SUMF1: variants seen among roughly 807,000 people sequenced by gnomAD.
SUMF1 encodes the protein sulfatase modifying factor 1, also known as formylglycine-generating enzyme.
In SUMF1, 48 loss-of-function variants were observed where a neutral mutation model predicts 47.6. The ratio of observed to expected loss-of-function variants is 1.01; its 90% CI spans 0.80 to 1.28. The LOEUF is 1.28. Among genes scored for constraint, SUMF1 ranks in the 50% most tolerant of loss-of-function variants. The probability of loss-of-function intolerance (pLI) is 0.00; values close to 1 mark genes in which losing one functional copy is unlikely to be tolerated. For synonymous variants in SUMF1, 230 were observed against 192.1 expected (o/e 1.20, Z -1.63); for missense variants, 571 against 485.4 (o/e 1.18, Z -1.66).
chr3:4,116,181 A>T (rs1693419945), intron 8 of SUMF1, among the ~76,000 whole-genome samples: 1 of 152,100 alleles, frequency 6.6e-6, no homozygotes, highest in African/African-American at 2.4e-5. Flanking sequence ...TGACCTATAC[A>T]ATGTCACACA....
rs896547454 is a variant in SUMF1 at position 4,303,750 on chromosome 3, G to A, written c.1014+72580C>T. On this transcript the variant is annotated intron_variant and NMD_transcript_variant, in intron 8 of 12. Transcript: ENST00000448413. ...TGTTGTCCTTTTCAGTCCATTCCCT[G>A]AAGCGCAGAACCGGAGGCCTTGTGA... 1.9e-5 allele frequency: 28 copies of A among 1,481,522 alleles called. No individual in the cohort carries two copies. In the African/African-American group the frequency reaches 3.7e-4, roughly 19 times the overall value. 91.8% of individuals were successfully genotyped at this position (1,481,522 alleles called of 1,614,324 possible).
At chr3:4,298,466 G>A (rs773291061) in intron 8 of SUMF1, among the ~76,000 whole-genome samples, 5 of 152,078 alleles carry the variant, frequency 3.3e-5, no homozygotes, top group Non-Finnish European at 7.4e-5. Context: ...ATCTTATTCT[G>A]GAAGCACCAC....
chr3:4,283,729 G>T (rs983147916), intron 8 of SUMF1, among the ~76,000 whole-genome samples: 1 of 152,194 alleles, frequency 6.6e-6, no homozygotes, highest in African/African-American at 2.4e-5. Flanking sequence ...CATTCAAGCT[G>T]CTATAATAGA....
At chr3:4,348,251 G>A (rs1457938170) in intron 8 of SUMF1, among the ~76,000 whole-genome samples, 2 of 152,154 alleles carry the variant, frequency 1.3e-5, no homozygotes, top group Non-Finnish European at 2.9e-5. Flanking sequence ...CAAAGCTGGA[G>A]GCATCACACT....
At chr3:4,434,303 A>G (rs1039616892) in intron 3 of SUMF1, among the ~76,000 whole-genome samples, 7 of 152,272 alleles carry the variant, frequency 4.6e-5, no homozygotes, top group Admixed American at 6.5e-5. Context: ...ATACACACAC[A>G]TACAAAGTAT....
chr3:4,379,146 G>C (rs947566650), intron 7 of SUMF1, among the ~76,000 whole-genome samples: 13 of 152,196 alleles, frequency 8.5e-5, no homozygotes, highest in African/African-American at 2.7e-4. Context: ...TGAAATGCTT[G>C]CCACTTTGCC....
intron 8 of SUMF1, among the ~76,000 whole-genome samples, chr3:4,248,837 C>T (rs968867051): frequency 2.0e-5 from 3 of 152,202 alleles, no homozygotes; most frequent in African/African-American, 7.2e-5. Flanking sequence ...CTAGAGCCTG[C>T]ATGTGGTATG....
intron 8 of SUMF1, among the ~76,000 whole-genome samples, chr3:4,172,024 G>A (rs1419956489): frequency 1.3e-5 from 2 of 152,130 alleles, no homozygotes; most frequent in Non-Finnish European, 2.9e-5. Context: ...CAATATGACG[G>A]GTTGAATGTG....
chr3:4,136,115 GA>G (rs1351452080), intron 8 of SUMF1, among the ~76,000 whole-genome samples: 1 of 152,116 alleles, frequency 6.6e-6, no homozygotes, highest in Admixed American at 6.5e-5. Context: ...CACAGAATTG[GA>G]AAAAACTACT....
chr3:4,296,355 A>T (rs1304044975), intron 8 of SUMF1, among the ~76,000 whole-genome samples: 1 of 152,112 alleles, frequency 6.6e-6, no homozygotes, highest in Non-Finnish European at 1.5e-5. Flanking sequence ...AAAAATTCAT[A>T]AAGATCATAT....
intron 8 of SUMF1, among the ~76,000 whole-genome samples, chr3:4,364,660 C>G (rs1054635303): frequency 1.3e-5 from 2 of 150,378 alleles, no homozygotes; most frequent in Non-Finnish European, 3.0e-5. Context: ...TTTTGTTGAT[C>G]CTTTCAAAAA....
chr3:4,273,999 G>A (rs1697364160), intron 8 of SUMF1, among the ~76,000 whole-genome samples: 1 of 151,988 alleles, frequency 6.6e-6, no homozygotes. Context: ...GGACCTCAAT[G>A]TTTAGCATCT....
At position 4,467,028 on chromosome 3, in the gene SUMF1, T is replaced by C. The variant is rs906998979; in HGVS notation, c.218A>G (p.Glu73Gly). Reference sequence around the variant, plus strand: ...GGGTACGGGGCCCGGAGCGTTAGCCTCCCGCGAGTATCGGTGAGCGGCTGC... The same window carrying C: ...GGGTACGGGGCCCGGAGCGTTAGCCCCCCGCGAGTATCGGTGAGCGGCTGC... ...SSAAAHRYSR[E>G]ANAPGPVPGE... Residue 73 changes from glutamate to glycine, a missense_variant, in exon 1 of 9, where the codon GAG (glutamate) becomes GGG (glycine). Coordinates refer to ENST00000272902, the MANE Select transcript of SUMF1 (RefSeq NM_182760.4). 1.5e-5 allele frequency: 24 copies of C among 1,584,970 alleles called. No homozygotes were observed. The highest frequency in any genetic ancestry group is 2.1e-5 in the Non-Finnish European group (24 of 1,167,286).
chr3:4,143,797 A>T (rs1320262598), intron 8 of SUMF1, among the ~76,000 whole-genome samples: 1 of 152,084 alleles, frequency 6.6e-6, no homozygotes, highest in East Asian at 1.9e-4. Flanking sequence ...TGAAATTGGG[A>T]TTCACAGAGC....
At chr3:4,264,312 G>T (rs1697145532) in intron 8 of SUMF1, among the ~76,000 whole-genome samples, 1 of 152,146 alleles carries the variant, frequency 6.6e-6, no homozygotes, top group Non-Finnish European at 1.5e-5. Context: ...AGCTAATGAG[G>T]GAATCTGGGA....
intron 8 of SUMF1, among the ~76,000 whole-genome samples, chr3:4,305,504 C>G (rs1172164083): frequency 1.3e-5 from 2 of 152,188 alleles, no homozygotes; most frequent in East Asian, 3.9e-4. Flanking sequence ...TTGATTATCT[C>G]CTTGTTGTGG....
At chr3:4,255,069 G>C (rs1334969035) in intron 8 of SUMF1, among the ~76,000 whole-genome samples, 3 of 150,436 alleles carry the variant, frequency 2.0e-5, no homozygotes, top group African/African-American at 7.3e-5. Flanking sequence ...AATGCTGAGA[G>C]ATTTTGTCAC....
chr3:4,405,208 G>A (rs931955112), intron 7 of SUMF1, among the ~76,000 whole-genome samples: 4 of 152,172 alleles, frequency 2.6e-5, no homozygotes, highest in African/African-American at 9.7e-5. Context: ...GTCAACAAGT[G>A]TGGCATCTGC....
intron 8 of SUMF1, among the ~76,000 whole-genome samples, chr3:4,140,254 T>C (rs1694041708): frequency 6.6e-6 from 1 of 152,082 alleles, no homozygotes; most frequent in South Asian, 2.1e-4. Flanking sequence ...TAGACACTGA[T>C]GTGAATGTAA....
Sources: allele counts gnomAD v4.1 joint callset (sites outside exome capture counted in the v4.1 genomes callset), GRCh38; gene constraint gnomAD v4.1.1; transcripts MANE v1.5; gene names NCBI Gene and HGNC (gene_info 2026-07-23, HGNC 2026-07-21).